The following VRK1 variants were observed in gnomAD, a reference collection of about 807,000 sequenced individuals.
The protein encoded by VRK1 is VRK serine/threonine kinase 1, also known as serine/threonine-protein kinase VRK1.
VRK1 carries 33 observed loss-of-function variants against 57.1 expected under a neutral mutation model. The ratio of observed to expected loss-of-function variants is 0.58; its 90% CI spans 0.44 to 0.77. The LOEUF is 0.77. Among genes scored for constraint, VRK1 ranks in the 30% least tolerant of loss-of-function variants. VRK1 has a pLI of 0.00. For synonymous variants in VRK1, 137 were observed against 147.8 expected (o/e 0.93, Z 0.53); for missense variants, 413 against 477.3 (o/e 0.87, Z 1.25).
intron 11 of VRK1, among the ~76,000 whole-genome samples, chr14:96,875,127 T>A (rs953454785): frequency 2.0e-5 from 3 of 152,220 alleles, no homozygotes; most frequent in African/African-American, 7.2e-5. Context: ...AAGATAAAGT[T>A]ATATAAAAAA....
chr14:96,815,286 C>A (rs947100660), intron 1 of VRK1, among the ~76,000 whole-genome samples: 2 of 152,064 alleles, frequency 1.3e-5, no homozygotes, highest in Non-Finnish European at 2.9e-5. Context: ...TGAAAGAAAT[C>A]ATGGTGAAGA....
At chr14:96,872,049 C>G (rs1041869994) in intron 11 of VRK1, among the ~76,000 whole-genome samples, 1 of 152,190 alleles carries the variant, frequency 6.6e-6, no homozygotes, top group African/African-American at 2.4e-5. Flanking sequence ...AAGTGATCCA[C>G]CCACCTAGGC....
chr14:96,808,609 G>C (rs940909346), intron 1 of VRK1, among the ~76,000 whole-genome samples: 1 of 148,932 alleles, frequency 6.7e-6, no homozygotes, highest in Non-Finnish European at 1.5e-5. Context: ...CATAACTATA[G>C]TTTTACCTGG....
In VRK1 at chr14:96,846,011, TTTG is replaced by T. The variant is rs1358829640; in HGVS notation, c.217-80_217-78del. Reference sequence around the variant, plus strand: ...AAATTACATTGGACAGAAAAATAGATTTGTTGGTCTTTTTTGAAGGTTCATTGA... The same window carrying T: ...AAATTACATTGGACAGAAAAATAGATTTGGTCTTTTTTGAAGGTTCATTGA... On this transcript the variant is annotated intron_variant, in intron 3 of 12. Transcript: ENST00000216639. 5 of 1,213,508 alleles carry T rather than the reference TTTG, an allele frequency of 4.1e-6. No homozygotes were observed. In the African/African-American group the frequency reaches 7.5e-5, roughly 18 times the overall value. The allele number at this position is 1,213,508 out of a possible 1,614,324, so 75.2% of individuals were successfully genotyped here. A position where few individuals can be genotyped will look rare whatever the true frequency, so the allele number is the denominator to read the frequency against.
chr14:96,812,684 CAG>C (rs2139699596), intron 1 of VRK1, among the ~76,000 whole-genome samples: 1 of 152,184 alleles, frequency 6.6e-6, no homozygotes, highest in South Asian at 2.1e-4. Context: ...CCATTTTGTT[CAG>C]AGACTGTTCG....
intron 1 of VRK1, among the ~76,000 whole-genome samples, chr14:96,815,302 G>A (rs565945315): frequency 6.6e-6 from 1 of 152,250 alleles, no homozygotes; most frequent in Middle Eastern, 3.4e-3. Context: ...GAAGAACAAG[G>A]TGTATAATAT....
intron 2 of VRK1, among the ~76,000 whole-genome samples, chr14:96,834,215 T>G (rs1485724002): frequency 6.6e-6 from 1 of 152,244 alleles, no homozygotes; most frequent in African/African-American, 2.4e-5. Context: ...TTTACCTGAT[T>G]GCTTCTAAAG....
intron 3 of VRK1, among the ~76,000 whole-genome samples, chr14:96,838,262 A>G (rs952147520): frequency 6.6e-6 from 1 of 151,730 alleles, no homozygotes; most frequent in African/African-American, 2.4e-5. Context: ...TAAATTATTT[A>G]TTTTATTGTG....
chr14:96,820,519 G>A (rs887475850), intron 1 of VRK1, among the ~76,000 whole-genome samples: 25 of 152,110 alleles, frequency 1.6e-4, no homozygotes, highest in Admixed American at 9.8e-4. Flanking sequence ...GGCCAAATGC[G>A]TTGTTGATGT....
At chr14:96,855,905 C>A (rs1432031456) in intron 8 of VRK1, among the ~76,000 whole-genome samples, 3 of 151,996 alleles carry the variant, frequency 2.0e-5, no homozygotes, top group Non-Finnish European at 2.9e-5. Flanking sequence ...CTGAAATTTA[C>A]CAATTTGGGT....
At chr14:96,808,022 T>TCTCTCTCTCTCTCTCTCTCTCC (rs1566683641) in intron 1 of VRK1, among the ~76,000 whole-genome samples, 5 of 46,064 alleles carry the variant, frequency 1.1e-4, no homozygotes, top group African/African-American at 2.8e-4. Context: ...TCCCTCTGTG[T>TCTCTCTCTCTCTCTCTCTCTCC]GTGTGTGTGT....
At chr14:96,810,454 T>G (rs577569831) in intron 1 of VRK1, among the ~76,000 whole-genome samples, 1 of 152,300 alleles carries the variant, frequency 6.6e-6, no homozygotes, top group East Asian at 1.9e-4. Context: ...GCCTTTCAGA[T>G]TTAGGTCAAA....
At chr14:96,837,435 T>TG (rs1161418703) in intron 2 of VRK1, among the ~76,000 whole-genome samples, 6 of 152,150 alleles carry the variant, frequency 3.9e-5, no homozygotes, top group Non-Finnish European at 8.8e-5. Context: ...ACTTATCCTC[T>TG]GGGGAATTCA....
Position 96,856,510 on chromosome 14 carries a change from T to A in VRK1, c.831-18T>A, listed in dbSNP as rs746301651. On this transcript the variant is annotated intron_variant, in intron 9 of 12. Coordinates refer to ENST00000216639, the MANE Select transcript of VRK1 (RefSeq NM_003384.3). ...TATGACATCAAGCTTCAGTGACTCA[T>A]TCTTTAATTTTTAACAGATACAGAG... 2.6e-5 allele frequency: 41 copies of A among 1,603,544 alleles called. No homozygotes were observed. The highest frequency in any genetic ancestry group is 3.5e-5 in the Non-Finnish European group (41 of 1,170,838).
At chr14:96,846,282 A>G in intron 4 of VRK1, 118 bp downstream of exon 4, 1 of 999,780 alleles carries the variant, frequency 1.0e-6, no homozygotes, top group Admixed American at 2.2e-5. Flanking sequence ...TTGCTTTATA[A>G]ATTCCACTTA....
intron 11 of VRK1, among the ~76,000 whole-genome samples, chr14:96,868,879 C>T (rs890497177): frequency 3.3e-5 from 5 of 150,940 alleles, no homozygotes; most frequent in Admixed American, 1.3e-4. Flanking sequence ...CTCGACTCAC[C>T]GCAGCCACCG....
intron 1 of VRK1, among the ~76,000 whole-genome samples, chr14:96,808,586 C>CGATTCTGA (rs1387014783): frequency 1.3e-5 from 2 of 151,712 alleles, no homozygotes; most frequent in Non-Finnish European, 2.9e-5. Context: ...AAGGTAAACA[C>CGATTCTGA]GATTCTGACT....
At chr14:96,853,726 C>T (rs1888040709) in intron 7 of VRK1, among the ~76,000 whole-genome samples, 1 of 151,618 alleles carries the variant, frequency 6.6e-6, no homozygotes, top group Admixed American at 6.6e-5. Context: ...GTTATTATAC[C>T]TTTATTTAGG....
intron 1 of VRK1, among the ~76,000 whole-genome samples, chr14:96,800,699 C>T (rs1041615990): frequency 5.3e-5 from 8 of 151,986 alleles, no homozygotes; most frequent in Non-Finnish European, 1.2e-4. Context: ...CTATGGGTTT[C>T]TTGCCCATAG....
Sources: allele counts gnomAD v4.1 joint callset (sites outside exome capture counted in the v4.1 genomes callset), GRCh38; gene constraint gnomAD v4.1.1; transcripts MANE v1.5; gene names NCBI Gene and HGNC (gene_info 2026-07-23, HGNC 2026-07-21).